The following EYS variants were observed in gnomAD, a reference collection of about 807,000 sequenced individuals.
The protein encoded by EYS is EGF-like photoreceptor maintenance factor, also known as protein eyes shut homolog.
EYS carries 250 observed loss-of-function variants against 282.1 expected under a neutral mutation model. The ratio of observed to expected loss-of-function variants is 0.89; its 90% CI spans 0.80 to 0.98. The LOEUF is 0.98. Ranked by LOEUF, EYS falls within the 50% of genes least tolerant of loss-of-function variation. The pLI is 0.00. For missense variants in EYS, 4,016 were observed against 3,709.0 expected, an observed-to-expected ratio of 1.08 and a Z score of -2.15; for synonymous variants, 1,355 against 1,282.9, an observed-to-expected ratio of 1.06 and a Z score of -1.20.
chr6:63,993,429 G>A (rs1767693864), intron 34 of EYS, among the ~76,000 whole-genome samples: 2 of 151,710 alleles, frequency 1.3e-5, no homozygotes, highest in Admixed American at 1.3e-4. Flanking sequence ...TGATATCTCT[G>A]ACATACATGC....
At chr6:65,402,646 A>C (rs202044011) in intron 6 of EYS, 41 bp from the exon 7 acceptor site, 1 of 1,400,806 alleles carries the variant, frequency 7.1e-7, no homozygotes, top group Admixed American at 1.7e-5. Context: ...AGTATTATGG[A>C]TATTTCAAAG....
At chr6:64,866,140 C>G (rs1766419145) in intron 19 of EYS, among the ~76,000 whole-genome samples, 1 of 151,870 alleles carries the variant, frequency 6.6e-6, no homozygotes, top group Non-Finnish European at 1.5e-5. Context: ...ACTGTATCAT[C>G]CATTCTTTGC....
chr6:64,083,433 C>T (rs1003717943), intron 31 of EYS, among the ~76,000 whole-genome samples: 1 of 152,162 alleles, frequency 6.6e-6, no homozygotes, highest in Non-Finnish European at 1.5e-5. Flanking sequence ...CACCTGCTGT[C>T]TTCCTTGAGG....
At chr6:64,357,672 C>T (rs1771869914) in intron 29 of EYS, among the ~76,000 whole-genome samples, 1 of 151,486 alleles carries the variant, frequency 6.6e-6, no homozygotes, top group Admixed American at 6.6e-5. Context: ...GAAACTTTTT[C>T]CATAAAGGGA....
At chr6:64,036,793 G>T (rs146643111) in intron 33 of EYS, among the ~76,000 whole-genome samples, 2 of 152,282 alleles carry the variant, frequency 1.3e-5, no homozygotes, top group Non-Finnish European at 2.9e-5. Flanking sequence ...TTCAATCTAT[G>T]ATGTAATAAA....
chr6:63,819,323 T>A (rs986040326), intron 36 of EYS, among the ~76,000 whole-genome samples: 5 of 152,222 alleles, frequency 3.3e-5, no homozygotes, highest in Non-Finnish European at 7.3e-5. Flanking sequence ...TCTGATTCAA[T>A]AGGACTATGG....
chr6:65,432,667 G>C (rs555415214), intron 5 of EYS, among the ~76,000 whole-genome samples: 1 of 152,132 alleles, frequency 6.6e-6, no homozygotes, highest in Non-Finnish European at 1.5e-5. Flanking sequence ...CATTTTGAAG[G>C]CTCCTCTTCT....
chr6:65,412,418 C>T (rs1767057310), intron 5 of EYS, among the ~76,000 whole-genome samples: 1 of 152,152 alleles, frequency 6.6e-6, no homozygotes, highest in Non-Finnish European at 1.5e-5. Context: ...AAATTGTTTT[C>T]CAAAGTGGCT....
intron 13 of EYS, among the ~76,000 whole-genome samples, chr6:65,047,564 G>C (rs1773140026): frequency 6.6e-6 from 1 of 151,792 alleles, no homozygotes; most frequent in African/African-American, 2.4e-5. Flanking sequence ...CACCAGATTT[G>C]TAGATTACCA....
intron 22 of EYS, among the ~76,000 whole-genome samples, chr6:64,715,102 G>C (rs1771343721): frequency 6.6e-6 from 1 of 151,790 alleles, no homozygotes; most frequent in African/African-American, 2.4e-5. Context: ...GTGAGATATG[G>C]TTTTTGGGAT....
intron 8 of EYS, among the ~76,000 whole-genome samples, chr6:65,361,372 A>G (rs1764699751): frequency 7.2e-6 from 1 of 139,586 alleles, no homozygotes; most frequent in South Asian, 2.3e-4. Flanking sequence ...ATAAAAAAAA[A>G]GAAATACTCA....
At chr6:64,957,227 C>T (rs917656289) in intron 14 of EYS, among the ~76,000 whole-genome samples, 4 of 152,036 alleles carry the variant, frequency 2.6e-5, no homozygotes, top group African/African-American at 7.2e-5. Flanking sequence ...TGCACAATGG[C>T]GTACTATTGA....
At position 65,153,922 on chromosome 6, in the gene EYS, A is replaced by G. The variant is rs919550625; in HGVS notation, c.2024-96195T>C. On this transcript the variant is annotated intron_variant, in intron 12 of 42. Transcript: ENST00000503581. Reference sequence around the variant, plus strand: ...TTATATTATTAATAGATACATTATTATCATCTGATATCATTCAAAGTGCCT... The same window carrying G: ...TTATATTATTAATAGATACATTATTGTCATCTGATATCATTCAAAGTGCCT... 3.9e-5 allele frequency among the ~76,000 whole-genome samples: 6 copies of G among 151,938 alleles called. No homozygotes were observed. The South Asian group carries it at 6.2e-4, about 16-fold the overall frequency.
At chr6:64,584,969 T>A (rs1157823486) in intron 26 of EYS, among the ~76,000 whole-genome samples, 3 of 152,114 alleles carry the variant, frequency 2.0e-5, no homozygotes, top group African/African-American at 4.8e-5. Context: ...AGCAATATCG[T>A]TACTGGATAT....
intron 22 of EYS, among the ~76,000 whole-genome samples, chr6:64,660,808 C>T (rs1768982502): frequency 6.6e-6 from 1 of 152,166 alleles, no homozygotes; most frequent in Admixed American, 6.5e-5. Flanking sequence ...AATGGCCATA[C>T]AGCCCAAGGT....
chr6:64,847,519 G>A (rs978125150), intron 19 of EYS, among the ~76,000 whole-genome samples: 1 of 151,888 alleles, frequency 6.6e-6, no homozygotes, highest in Non-Finnish European at 1.5e-5. Flanking sequence ...AAAAGTCTGA[G>A]TAATCTATGA....
chr6:63,878,329 G>T (rs1041419984), intron 35 of EYS, among the ~76,000 whole-genome samples: 4 of 152,146 alleles, frequency 2.6e-5, no homozygotes, highest in African/African-American at 9.7e-5. Flanking sequence ...CCTGATCCTT[G>T]GTCTGGAAGC....
intron 22 of EYS, among the ~76,000 whole-genome samples, chr6:64,797,950 C>T (rs55634364): frequency 0.025 from 3,852 of 151,918 alleles, 173 homozygotes; most frequent in African/African-American, 0.088. Flanking sequence ...TTTTCAAATG[C>T]TATTTAATAT....
intron 12 of EYS, among the ~76,000 whole-genome samples, chr6:65,252,860 CAGAAA>C (rs1293540528): frequency 6.6e-6 from 1 of 151,712 alleles, no homozygotes; most frequent in East Asian, 1.9e-4. Context: ...ATGAAGATGA[CAGAAA>C]AGAAAAGTCA....
Sources: gnomAD v4.1 joint callset for allele counts (sites outside exome capture counted in the v4.1 genomes callset) on GRCh38, gnomAD v4.1.1 for gene constraint, MANE v1.5 for transcripts, NCBI Gene and HGNC (gene_info 2026-07-23, HGNC 2026-07-21) for gene names.